The following SRGAP2 variants were observed in gnomAD, a reference collection of about 807,000 sequenced individuals.
The protein encoded by SRGAP2 is SLIT-ROBO Rho GTPase activating protein 2.
Under a neutral mutation model 57.2 loss-of-function variants are expected in SRGAP2, and 15 were observed. The ratio of observed to expected loss-of-function variants is 0.26; its 90% CI spans 0.18 to 0.40. SRGAP2 has a LOEUF of 0.40. SRGAP2 is among the 10% of genes least tolerant of loss of function. The probability of loss-of-function intolerance (pLI) is 1.00; values close to 1 mark genes in which losing one functional copy is unlikely to be tolerated. For synonymous variants in SRGAP2, 249 were observed against 248.0 expected (o/e 1.00, Z -0.04); for missense variants, 520 against 669.6 (o/e 0.78, Z 2.47).
intron 12 of SRGAP2, among the ~76,000 whole-genome samples, chr1:206,419,895 G>A (rs1245637727): frequency 1.3e-5 from 2 of 151,828 alleles, no homozygotes; most frequent in African/African-American, 4.8e-5. Context: ...CATTGCATTG[G>A]CTCGCCAAAG....
At chr1:206,440,138 T>G in intron 17 of SRGAP2, 57 bp downstream of exon 17, 5 of 762,970 alleles carry the variant, frequency 6.6e-6, no homozygotes, top group South Asian at 5.6e-5. Context: ...CACTGGAAGT[T>G]CCTCTATGGA....
intron 10 of SRGAP2, among the ~76,000 whole-genome samples, chr1:206,413,491 A>T (rs923018008): frequency 6.6e-6 from 1 of 152,252 alleles, no homozygotes; most frequent in Non-Finnish European, 1.5e-5. Flanking sequence ...GTGCAAAAGC[A>T]TAAAAGGACA....
intron 17 of SRGAP2, among the ~76,000 whole-genome samples, chr1:206,441,212 G>A (rs782466853): frequency 2.6e-5 from 4 of 152,214 alleles, no homozygotes; most frequent in Non-Finnish European, 5.9e-5. Context: ...TGAGGCACTT[G>A]TGAGATGTCC....
intron 4 of SRGAP2, among the ~76,000 whole-genome samples, chr1:206,374,312 G>A (rs1348153391): frequency 2.0e-5 from 3 of 149,884 alleles, no homozygotes; most frequent in Non-Finnish European, 3.0e-5. Flanking sequence ...CACCGCGCCC[G>A]GCCAGATACA....
chr1:206,248,214 T>A (rs1351823897), intron 2 of SRGAP2, among the ~76,000 whole-genome samples: 13 of 152,066 alleles, frequency 8.5e-5, no homozygotes, highest in Non-Finnish European at 1.9e-4. Flanking sequence ...GCATACCTTT[T>A]CAGTTACCCT....
chr1:206,376,108 T>C (rs1410619622), intron 4 of SRGAP2, among the ~76,000 whole-genome samples: 2 of 149,720 alleles, frequency 1.3e-5, no homozygotes, highest in Non-Finnish European at 3.0e-5. Context: ...GAAGGATCTT[T>C]TCTGTTTAAT....
At chr1:206,459,550 G>A (rs996703595) in intron 22 of SRGAP2, among the ~76,000 whole-genome samples, 4 of 151,278 alleles carry the variant, frequency 2.6e-5, no homozygotes, top group South Asian at 2.1e-4. Flanking sequence ...TGTATGCACC[G>A]CACTGATGAC....
intron 2 of SRGAP2, among the ~76,000 whole-genome samples, chr1:206,208,709 T>G (rs1449621289): frequency 3.9e-4 from 60 of 152,168 alleles, no homozygotes; most frequent in African/African-American, 2.4e-5. Context: ...AGAATTATTA[T>G]GAGTGTCAGC....
At chr1:206,233,490 G>A (rs1416191800) in intron 2 of SRGAP2, among the ~76,000 whole-genome samples, 40 of 148,244 alleles carry the variant, frequency 2.7e-4, no homozygotes, top group East Asian at 2.0e-3. Context: ...CTTCTGTATC[G>A]TCTGCTCAGT....
chr1:206,249,563 G>T (rs1164715770), intron 2 of SRGAP2, among the ~76,000 whole-genome samples: 4 of 148,646 alleles, frequency 2.7e-5, no homozygotes, highest in Non-Finnish European at 4.5e-5. Flanking sequence ...CGGGCACAGT[G>T]TGGGGAACAT....
At chr1:206,386,325 C>G (rs1444477688) in intron 5 of SRGAP2, among the ~76,000 whole-genome samples, 1 of 151,034 alleles carries the variant, frequency 6.6e-6, no homozygotes, top group African/African-American at 2.4e-5. Flanking sequence ...AGATTCTACC[C>G]TGTCTTGACT....
chr1:206,256,542 G>T (rs575474636), intron 2 of SRGAP2, among the ~76,000 whole-genome samples: 22 of 148,840 alleles, frequency 1.5e-4, no homozygotes, highest in African/African-American at 4.5e-4. Flanking sequence ...GCTAATAGAT[G>T]ACAGGGAGAA....
At chr1:206,333,673 C>G (rs565531379) in intron 3 of SRGAP2, among the ~76,000 whole-genome samples, 1 of 152,078 alleles carries the variant, frequency 6.6e-6, no homozygotes, top group Non-Finnish European at 1.5e-5. Context: ...AGTACAGGCA[C>G]GTGTCACCAT....
At position 206,278,764 on chromosome 1, in the gene SRGAP2, G is replaced by A. The variant is rs1375252667; in HGVS notation, c.68-24517G>A. 1.9e-3 allele frequency among the ~76,000 whole-genome samples: 284 copies of A among 150,142 alleles called. 1 individual carries two copies. The highest frequency in any genetic ancestry group is 6.8e-3 in the African/African-American group (271 of 39,760). ...TAAAGGAGGTAAGAGTGTAAGCCGC[G>A]TGGATATTGGGGGAAGGGCATTTCA... On this transcript the variant is annotated intron_variant, in intron 2 of 22. Coordinates refer to ENST00000573034, the MANE Select transcript of SRGAP2 (RefSeq NM_015326.5).
chr1:206,389,162 T>A (rs1355417342), intron 5 of SRGAP2, among the ~76,000 whole-genome samples: 1 of 132,460 alleles, frequency 7.5e-6, no homozygotes, highest in Non-Finnish European at 1.6e-5. Context: ...GTTCTCAGAC[T>A]TCCTTTTTTT....
intron 7 of SRGAP2, among the ~76,000 whole-genome samples, chr1:206,398,977 A>C (rs1303967465): frequency 1.3e-5 from 2 of 152,080 alleles, no homozygotes; most frequent in Non-Finnish European, 2.9e-5. Flanking sequence ...CTATATTAGT[A>C]TTTTTTTAAA....
intron 18 of SRGAP2, among the ~76,000 whole-genome samples, chr1:206,448,879 A>G (rs915337595): frequency 6.6e-6 from 1 of 152,176 alleles, no homozygotes; most frequent in Non-Finnish European, 1.5e-5. Flanking sequence ...CTCCGTTTAT[A>G]TTCTTCTAGA....
chr1:206,391,027 G>T (rs544873613), intron 5 of SRGAP2, among the ~76,000 whole-genome samples: 1 of 152,060 alleles, frequency 6.6e-6, no homozygotes, highest in Admixed American at 6.5e-5. Context: ...TTTTCTCAGC[G>T]TCAGCACCAT....
chr1:206,419,342 A>G (rs782756099), intron 11 of SRGAP2, 31 bp from the exon 12 acceptor site: 2 of 780,684 alleles, frequency 2.6e-6, no homozygotes, highest in Non-Finnish European at 4.8e-6. Context: ...CTCCTTTAAC[A>G]TAATGCTTTT....
Sources: gnomAD v4.1 joint callset for allele counts (sites outside exome capture counted in the v4.1 genomes callset) on GRCh38, gnomAD v4.1.1 for gene constraint, MANE v1.5 for transcripts, NCBI Gene and HGNC (gene_info 2026-07-23, HGNC 2026-07-21) for gene names.